TBC1D14: variants seen among roughly 807,000 people sequenced by gnomAD.
TBC1D14 encodes the protein TBC1 domain family member 14.
In TBC1D14, 26 loss-of-function variants were observed where a neutral mutation model predicts 79.0. The observed-to-expected ratio is 0.33, with a 90% CI of 0.24 to 0.46. TBC1D14 has a LOEUF of 0.46. TBC1D14 is among the 20% of genes least tolerant of loss of function. TBC1D14 has a pLI of 1.00. For synonymous variants in TBC1D14, 394 were observed against 349.9 expected, an observed-to-expected ratio of 1.13 and a Z score of -1.40; for missense variants, 769 against 887.6, an observed-to-expected ratio of 0.87 and a Z score of 1.70.
chr4:7,022,056 G>A (rs1050752104), intron 12 of TBC1D14, among the ~76,000 whole-genome samples: 1 of 152,262 alleles, frequency 6.6e-6, no homozygotes, highest in Non-Finnish European at 1.5e-5. Context: ...TTAAAATAAA[G>A]CCCACATTTG....
chr4:6,934,685 A>G (rs1014670488), intron 2 of TBC1D14, among the ~76,000 whole-genome samples: 1 of 152,114 alleles, frequency 6.6e-6, no homozygotes, highest in Non-Finnish European at 1.5e-5. Flanking sequence ...AAAAATGAAA[A>G]GAATTGACTG....
intron 1 of TBC1D14, among the ~76,000 whole-genome samples, chr4:6,914,024 C>T (rs1290355566): frequency 6.6e-6 from 1 of 151,756 alleles, no homozygotes; most frequent in African/African-American, 2.4e-5. Context: ...CCTGTGGTCC[C>T]AGCTACTCAG....
At chr4:6,930,341 CCTG>C (rs1240285885) in intron 2 of TBC1D14, among the ~76,000 whole-genome samples, 2 of 152,278 alleles carry the variant, frequency 1.3e-5, no homozygotes, top group African/African-American at 4.8e-5. Context: ...TGTCACGGGG[CCTG>C]CTGCTGGGTT....
intron 3 of TBC1D14, among the ~76,000 whole-genome samples, chr4:6,983,155 A>G (rs1717530291): frequency 6.6e-6 from 1 of 152,088 alleles, no homozygotes; most frequent in Non-Finnish European, 1.5e-5. Flanking sequence ...TATTTTTAGT[A>G]GAGACAGGGT....
chr4:7,005,058 G>C (rs760848464), intron 8 of TBC1D14, 134 bp downstream of exon 8: 130 of 815,682 alleles, frequency 1.6e-4, no homozygotes, highest in Non-Finnish European at 2.1e-4. Flanking sequence ...CGAGAAAAGG[G>C]TTTTTTTTGT....
intron 9 of TBC1D14, among the ~76,000 whole-genome samples, chr4:7,006,961 T>C (rs1720262917): frequency 6.6e-6 from 1 of 152,198 alleles, no homozygotes; most frequent in African/African-American, 2.4e-5. Flanking sequence ...TCTGTCTTCC[T>C]CTTGAGATAC....
intron 5 of TBC1D14, among the ~76,000 whole-genome samples, chr4:6,998,310 A>G (rs1009456204): frequency 5.3e-5 from 8 of 151,748 alleles, no homozygotes; most frequent in African/African-American, 1.2e-4. Flanking sequence ...CAGTGAGCCA[A>G]GATTGCATCA....
At chr4:6,996,269 T>C (rs1719034891) in intron 4 of TBC1D14, 56 bp from the exon 5 acceptor site, 1 of 1,440,008 alleles carries the variant, frequency 6.9e-7, no homozygotes, top group East Asian at 2.3e-5. Context: ...AGGTTTTTTC[T>C]GAAAGACTTC....
intron 3 of TBC1D14, among the ~76,000 whole-genome samples, chr4:6,975,348 A>T (rs1437138865): frequency 2.0e-5 from 3 of 152,118 alleles, no homozygotes; most frequent in Non-Finnish European, 4.4e-5. Context: ...AACCGGGACT[A>T]CAGGCACGTG....
Position 7,004,073 on chromosome 4 carries a change from G to A in TBC1D14, c.1271-771G>A, listed in dbSNP as rs75500508. Among the ~76,000 whole-genome samples, 291 of 152,286 alleles carry A rather than the reference G, an allele frequency of 1.9e-3. 1 individual carries two copies. The highest frequency in any genetic ancestry group is 3.5e-3 in the Non-Finnish European group (239 of 68,020). On this transcript the variant is annotated intron_variant, in intron 7 of 13. Transcript: ENST00000409757. ...AGACTGGGCTGTGTCGGGGAACAGGGCGCTGAGAAGGAGCTCTGTGGATTC... is the reference window on the plus strand; with the variant it reads ...AGACTGGGCTGTGTCGGGGAACAGGACGCTGAGAAGGAGCTCTGTGGATTC...
rs569468039 is a variant in TBC1D14, at chr4:7,018,579, G to A, written c.1757+4022G>A. Among the ~76,000 whole-genome samples the A allele has an allele frequency of 2.0e-5, 3 of 152,288 alleles. No homozygotes were observed. In the South Asian group the frequency reaches 6.2e-4, roughly 32 times the overall value. ...GTCAAAGAATGCGTCTGTGCCTGAG[G>A]GTCACCTTCCTCGGTCCCTTTTCCA... On this transcript the variant is annotated intron_variant, in intron 12 of 13. Transcript: ENST00000409757.
intron 3 of TBC1D14, among the ~76,000 whole-genome samples, chr4:6,990,936 G>C (rs1454167810): frequency 2.0e-5 from 3 of 152,186 alleles, no homozygotes; most frequent in Non-Finnish European, 2.9e-5. Flanking sequence ...TCCTGGGAGT[G>C]AACAGTCCTC....
At chr4:7,029,395 C>T (rs1202671686) in intron 13 of TBC1D14, among the ~76,000 whole-genome samples, 2 of 152,258 alleles carry the variant, frequency 1.3e-5, no homozygotes, top group African/African-American at 2.4e-5. Context: ...TGTTCAGGCC[C>T]CTCATGTTGG....
At chr4:7,020,665 A>C (rs948217981) in intron 12 of TBC1D14, among the ~76,000 whole-genome samples, 1 of 152,152 alleles carries the variant, frequency 6.6e-6, no homozygotes, top group Non-Finnish European at 1.5e-5. Flanking sequence ...GCTTTTCCAC[A>C]GCCTCCCTTT....
chr4:6,944,752 A>G lies in TBC1D14; in HGVS notation c.722+20641A>G, dbSNP rs552687053. Among the ~76,000 whole-genome samples the G allele has an allele frequency of 4.6e-5, 7 of 152,268 alleles. No individual in the cohort carries two copies. The East Asian group carries it at 1.2e-3, about 25-fold the overall frequency. On this transcript the variant is annotated intron_variant, in intron 2 of 13. Transcript: ENST00000409757. Reference sequence around the variant, plus strand: ...TGTCCAGGTTTCTCCTGTCCTCCTCATCCCTGCACTGGTTCCACGGGACTG... The same window carrying G: ...TGTCCAGGTTTCTCCTGTCCTCCTCGTCCCTGCACTGGTTCCACGGGACTG...
chr4:6,994,226 C>G lies in TBC1D14; in HGVS notation c.886C>G (p.Pro296Ala). Reference sequence around the variant, plus strand: ...TGGAAGACCTAGCAAGCCACCCTCTCCAAAGCAGAATGTGAGGAAGAATCT... The same window carrying G: ...TGGAAGACCTAGCAAGCCACCCTCTGCAAAGCAGAATGTGAGGAAGAATCT... ...KAGRPSKPPS[P>A]KQNVRKNLDF... The change falls in exon 4 of 14, where the codon CCA becomes GCA. Residue 296 changes from proline (P) to alanine (A), a missense_variant. Physicochemically the swap from Pro to Ala is conservative, Grantham distance 27. Coordinates refer to ENST00000409757, the MANE Select transcript of TBC1D14 (RefSeq NM_020773.3). 1 of 1,614,212 alleles carries G rather than the reference C, an allele frequency of 6.2e-7. No homozygotes were observed. Among genetic ancestry groups the G allele is most frequent in the Non-Finnish European group, 8.5e-7 (1 of 1,180,036 alleles).
chr4:6,919,951 G>T (rs1379072060), intron 1 of TBC1D14, among the ~76,000 whole-genome samples: 1 of 152,194 alleles, frequency 6.6e-6, no homozygotes, highest in Non-Finnish European at 1.5e-5. Context: ...GTCTCGCTGT[G>T]TTGCCCAGGC....
intron 6 of TBC1D14, among the ~76,000 whole-genome samples, chr4:7,000,578 C>T (rs753875404): frequency 6.6e-6 from 1 of 152,224 alleles, no homozygotes; most frequent in Admixed American, 6.5e-5. Context: ...GTGTGTGTTC[C>T]GTGTCCCAGC....
chr4:6,959,410 A>C (rs73088512), intron 2 of TBC1D14, among the ~76,000 whole-genome samples: 1,842 of 152,310 alleles, frequency 0.012, 39 homozygotes, highest in African/African-American at 0.042. Flanking sequence ...AAGGGCAGAC[A>C]CAGCTCTGCC....
Sources: gnomAD v4.1 joint callset for allele counts (sites outside exome capture counted in the v4.1 genomes callset) on GRCh38, gnomAD v4.1.1 for gene constraint, MANE v1.5 for transcripts, NCBI Gene and HGNC (gene_info 2026-07-23, HGNC 2026-07-21) for gene names.